AFF3: variants seen among roughly 807,000 people sequenced by gnomAD.
The protein encoded by AFF3 is ALF transcription elongation factor 3.
In AFF3, 32 loss-of-function variants were observed where a neutral mutation model predicts 129.7. The ratio of observed to expected loss-of-function variants is 0.25; its 90% CI spans 0.19 to 0.33. AFF3 has a LOEUF of 0.33. Ranked by LOEUF, AFF3 falls within the 10% of genes least tolerant of loss-of-function variation. The probability of loss-of-function intolerance (pLI) is 1.00; values close to 1 mark genes in which losing one functional copy is unlikely to be tolerated. For synonymous variants in AFF3, 644 were observed against 635.4 expected, an observed-to-expected ratio of 1.01 and a Z score of -0.20; for missense variants, 1,373 against 1,592.0, an observed-to-expected ratio of 0.86 and a Z score of 2.34.
intron 12 of AFF3, among the ~76,000 whole-genome samples, chr2:99,669,358 C>G (rs902284284): frequency 3.3e-5 from 5 of 152,156 alleles, no homozygotes; most frequent in Admixed American, 3.3e-4. Flanking sequence ...ATGGCATACA[C>G]ACATAATGAA....
chr2:99,939,404 C>G (rs77909168), intron 7 of AFF3, among the ~76,000 whole-genome samples: 2,556 of 152,304 alleles, frequency 0.017, 73 homozygotes, highest in Admixed American at 0.071. Context: ...ACACTTAACT[C>G]AGTTAATCAC....
intron 4 of AFF3, among the ~76,000 whole-genome samples, chr2:100,059,515 G>T (rs549907709): frequency 7.7e-4 from 117 of 152,248 alleles, no homozygotes; most frequent in Non-Finnish European, 1.3e-3. Context: ...TTTACTGGTA[G>T]GGTCGTAAAG....
chr2:99,663,184 A>C (rs754501928), intron 12 of AFF3, among the ~76,000 whole-genome samples: 4 of 152,192 alleles, frequency 2.6e-5, no homozygotes, highest in Non-Finnish European at 5.9e-5. Context: ...AAAAGAAACA[A>C]GGGAAAAAAT....
chr2:99,892,235 A>G (rs920192562), intron 7 of AFF3, among the ~76,000 whole-genome samples: 20 of 152,216 alleles, frequency 1.3e-4, no homozygotes, highest in Non-Finnish European at 2.5e-4. Flanking sequence ...ATAATGTTTA[A>G]TTAAACGTCT....
chr2:100,077,266 A>G (rs1357490436), intron 4 of AFF3, among the ~76,000 whole-genome samples: 1 of 152,096 alleles, frequency 6.6e-6, no homozygotes, highest in East Asian at 1.9e-4. Flanking sequence ...AAACAATTAA[A>G]ATTAATCTTA....
At chr2:99,584,502 TA>T in intron 16 of AFF3, among the ~76,000 whole-genome samples, 1 of 152,170 alleles carries the variant, frequency 6.6e-6, no homozygotes, top group Middle Eastern at 3.4e-3. Context: ...AAATAATAAA[TA>T]AAAATGGTGA....
At position 99,750,270 on chromosome 2, in the gene AFF3, A is replaced by G. The variant is rs138449171; in HGVS notation, c.1002+1951T>C. On this transcript the variant is annotated intron_variant, in intron 9 of 24. Transcript: ENST00000672756. ...GCAATTTGCAAAGGAAAAACAGTCA[A>G]TGCTCAAGCTTAGAAGTAACTGGGA... is the stretch of plus-strand genomic sequence containing the variant. 2.8e-3 allele frequency among the ~76,000 whole-genome samples: 424 copies of G among 152,320 alleles called. 3 individuals are homozygous for G. The highest frequency in any genetic ancestry group is 9.6e-3 in the African/African-American group (401 of 41,578).
At chr2:99,618,963 T>C (rs1681726130) in intron 13 of AFF3, among the ~76,000 whole-genome samples, 1 of 152,112 alleles carries the variant, frequency 6.6e-6, no homozygotes. Context: ...GCCAGGGTTG[T>C]CTAGAACTCC....
At chr2:99,702,085 C>G (rs898242146) in intron 11 of AFF3, among the ~76,000 whole-genome samples, 1 of 152,218 alleles carries the variant, frequency 6.6e-6, no homozygotes, top group Admixed American at 6.5e-5. Flanking sequence ...TGAGCCTTCA[C>G]GTACAAGTTG....
At chr2:100,063,192 A>G (rs758225999) in intron 4 of AFF3, among the ~76,000 whole-genome samples, 1 of 145,634 alleles carries the variant, frequency 6.9e-6, no homozygotes, top group Middle Eastern at 3.4e-3. Flanking sequence ...CGGAGGTTTC[A>G]GTAAGCCAAG....
intron 2 of AFF3, among the ~76,000 whole-genome samples, chr2:100,109,426 G>T (rs1023414365): frequency 1.6e-4 from 23 of 147,438 alleles, no homozygotes; most frequent in African/African-American, 5.8e-4. Flanking sequence ...TCATAAAAGC[G>T]GATCAGAAAA....
At chr2:99,852,638 G>C (rs1460632314) in intron 7 of AFF3, among the ~76,000 whole-genome samples, 2 of 152,186 alleles carry the variant, frequency 1.3e-5, no homozygotes, top group African/African-American at 4.8e-5. Flanking sequence ...ACCTCTCAGG[G>C]AGCTTGCACA....
At chr2:99,900,370 C>T (rs1694257775) in intron 7 of AFF3, among the ~76,000 whole-genome samples, 3 of 152,178 alleles carry the variant, frequency 2.0e-5, no homozygotes, top group African/African-American at 7.2e-5. Context: ...TCTAAGAGGG[C>T]TCTCAAGCTT....
At chr2:99,653,854 A>C in intron 12 of AFF3, among the ~76,000 whole-genome samples, 1 of 146,870 alleles carries the variant, frequency 6.8e-6, no homozygotes, top group Non-Finnish European at 1.5e-5. Context: ...ACTTAGCACC[A>C]TCAATTGCCT....
At chr2:99,821,982 G>A (rs1183319530) in intron 8 of AFF3, among the ~76,000 whole-genome samples, 1 of 151,632 alleles carries the variant, frequency 6.6e-6, no homozygotes, top group African/African-American at 2.4e-5. Flanking sequence ...CACAAGTCTT[G>A]TGTCCCCAAA....
intron 13 of AFF3, among the ~76,000 whole-genome samples, chr2:99,636,249 G>A (rs1032090985): frequency 6.6e-6 from 1 of 152,178 alleles, no homozygotes; most frequent in African/African-American, 2.4e-5. Context: ...TGACTCACTG[G>A]CTGGGAACAG....
intron 7 of AFF3, among the ~76,000 whole-genome samples, chr2:99,983,253 G>A (rs1679572561): frequency 6.6e-6 from 1 of 152,178 alleles, no homozygotes; most frequent in Admixed American, 6.5e-5. Context: ...GGCAGAGGTG[G>A]CAGAGCTGAC....
At chr2:99,554,287 G>A (rs142807262) in intron 24 of AFF3, 24 bp downstream of exon 24, 32 of 1,613,040 alleles carry the variant, frequency 2.0e-5, no homozygotes, top group Non-Finnish European at 2.7e-5. Context: ...GAAGCCCCTG[G>A]TTCCCCGTGG....
intron 22 of AFF3, 96 bp downstream of exon 22, chr2:99,558,779 T>C: frequency 8.1e-7 from 1 of 1,235,608 alleles, no homozygotes; most frequent in Non-Finnish European, 1.2e-6. Flanking sequence ...TGACCTGCAT[T>C]AACCCCAAAG....
Sources: allele counts gnomAD v4.1 joint callset (sites outside exome capture counted in the v4.1 genomes callset), GRCh38; gene constraint gnomAD v4.1.1; transcripts MANE v1.5; gene names NCBI Gene and HGNC (gene_info 2026-07-23, HGNC 2026-07-21).